Variants in ANTXR1 observed in about 807,000 individuals in gnomAD.
ANTXR1 encodes anthrax toxin receptor 1.
A neutral mutation model predicts 78.1 loss-of-function variants in ANTXR1; 19 were observed. The observed-to-expected ratio is 0.24, with a 90% CI of 0.17 to 0.36. ANTXR1 has a LOEUF of 0.36. Ranked by LOEUF, ANTXR1 falls within the 10% of genes least tolerant of loss-of-function variation. The pLI, the probability that ANTXR1 is intolerant of heterozygous loss-of-function variation, is 1.00. For missense variants in ANTXR1, 518 were observed against 718.6 expected, an observed-to-expected ratio of 0.72 and a Z score of 3.19; for synonymous variants, 273 against 260.5, an observed-to-expected ratio of 1.05 and a Z score of -0.46.
chr2:69,222,656 T>C (rs968837330), intron 17 of ANTXR1, among the ~76,000 whole-genome samples: 1 of 151,502 alleles, frequency 6.6e-6, no homozygotes, highest in Non-Finnish European at 1.5e-5. Context: ...GAAGAAGGGG[T>C]GGAGAGCGAA....
At chr2:69,038,874 A>T (rs978821143) in intron 1 of ANTXR1, among the ~76,000 whole-genome samples, 3 of 152,182 alleles carry the variant, frequency 2.0e-5, no homozygotes, top group Admixed American at 6.5e-5. Context: ...CTGGAAATGG[A>T]ATACACCCGA....
At chr2:69,211,292 A>G (rs1021710571) in intron 17 of ANTXR1, among the ~76,000 whole-genome samples, 1 of 152,236 alleles carries the variant, frequency 6.6e-6, no homozygotes, top group Non-Finnish European at 1.5e-5. Context: ...ACATGCTGTC[A>G]GTGCTAAGGA....
At chr2:69,042,942 T>C (rs1382242709) in intron 2 of ANTXR1, among the ~76,000 whole-genome samples, 1 of 152,152 alleles carries the variant, frequency 6.6e-6, no homozygotes, top group Non-Finnish European at 1.5e-5. Context: ...CATACTAGTG[T>C]TGGTTTTGTA....
At chr2:69,182,024 A>G in intron 15 of ANTXR1, 143 bp downstream of exon 15, 1 of 797,444 alleles carries the variant, frequency 1.3e-6, no homozygotes, top group Admixed American at 2.1e-5. Context: ...ACTCAATGTC[A>G]GAAACCCAAA....
chr2:69,058,730 C>T (rs1267015555), intron 3 of ANTXR1, among the ~76,000 whole-genome samples: 1 of 152,166 alleles, frequency 6.6e-6, no homozygotes, highest in Non-Finnish European at 1.5e-5. Context: ...ATGTCTATAG[C>T]TGCCATACAT....
chr2:69,026,980 A>G (rs780710817), intron 1 of ANTXR1, among the ~76,000 whole-genome samples: 2 of 152,256 alleles, frequency 1.3e-5, no homozygotes, highest in African/African-American at 2.4e-5. Context: ...ACTGAGTATG[A>G]AAGAGGTCAA....
chr2:69,214,142 C>A (rs1235122290), intron 17 of ANTXR1, among the ~76,000 whole-genome samples: 6 of 152,228 alleles, frequency 3.9e-5, no homozygotes, highest in Non-Finnish European at 7.3e-5. Flanking sequence ...CAGCCTGGTC[C>A]AGGAGAGCAT....
intron 1 of ANTXR1, 90 bp from the exon 2 acceptor site, chr2:69,039,954 A>T: frequency 1.8e-6 from 2 of 1,103,300 alleles, no homozygotes; most frequent in Non-Finnish European, 2.7e-6. Flanking sequence ...GGAGAGGTCA[A>T]ATGTAAAATA....
intron 10 of ANTXR1, among the ~76,000 whole-genome samples, chr2:69,120,696 C>T (rs1244212857): frequency 6.6e-6 from 1 of 151,892 alleles, no homozygotes; most frequent in African/African-American, 2.4e-5. Context: ...AATAATAATG[C>T]TCAATTTAGG....
At chr2:69,222,825 A>G (rs746597669) in intron 17 of ANTXR1, among the ~76,000 whole-genome samples, 2 of 152,262 alleles carry the variant, frequency 1.3e-5, no homozygotes, top group African/African-American at 2.4e-5. Context: ...TTTGTGGTGT[A>G]TAAACCACTT....
At chr2:69,217,277 G>A (rs1283250117) in intron 17 of ANTXR1, among the ~76,000 whole-genome samples, 1 of 152,230 alleles carries the variant, frequency 6.6e-6, no homozygotes, top group East Asian at 1.9e-4. Flanking sequence ...CCCTGCTGCT[G>A]GCCAGTGTCC....
chr2:69,152,628 C>T (rs540634988), intron 13 of ANTXR1, among the ~76,000 whole-genome samples: 77 of 152,324 alleles, frequency 5.1e-4, no homozygotes, highest in African/African-American at 1.7e-3. Context: ...CACACATACA[C>T]ATTTGTTGAG....
chr2:69,042,579 G>A (rs1164569246), intron 2 of ANTXR1, among the ~76,000 whole-genome samples: 1 of 151,976 alleles, frequency 6.6e-6, no homozygotes, highest in Non-Finnish European at 1.5e-5. Flanking sequence ...CCTGCCCCTT[G>A]TCCCAAAAAA....
intron 11 of ANTXR1, 79 bp downstream of exon 11, chr2:69,123,165 AT>A: frequency 6.8e-7 from 1 of 1,474,700 alleles, no homozygotes; most frequent in East Asian, 2.3e-5. Flanking sequence ...AAAAGAAAGC[AT>A]CTAGAGAAAG....
intron 3 of ANTXR1, 121 bp from the exon 4 acceptor site, chr2:69,070,526 G>C (rs957120160): frequency 5.6e-6 from 5 of 885,378 alleles, no homozygotes; most frequent in Admixed American, 5.5e-5. Context: ...ATAGGCTTTT[G>C]GGGAATTACT....
intron 8 of ANTXR1, among the ~76,000 whole-genome samples, chr2:69,080,605 A>G (rs1412433658): frequency 6.6e-6 from 1 of 152,232 alleles, no homozygotes; most frequent in Non-Finnish European, 1.5e-5. Flanking sequence ...TAAAGCAGGT[A>G]GAGGCTCTGT....
At chr2:69,172,868 T>G (rs1050566573) in intron 14 of ANTXR1, among the ~76,000 whole-genome samples, 1 of 152,182 alleles carries the variant, frequency 6.6e-6, no homozygotes, top group African/African-American at 2.4e-5. Flanking sequence ...TTTTAACAAC[T>G]AAGAGGGACA....
At chr2:69,105,809 C>T (rs1006569833) in intron 10 of ANTXR1, among the ~76,000 whole-genome samples, 1 of 152,126 alleles carries the variant, frequency 6.6e-6, no homozygotes. Context: ...ACATAAGTGC[C>T]ATTATTAATG....
chr2:69,043,648 T>C (rs1182986218), intron 2 of ANTXR1, among the ~76,000 whole-genome samples: 2 of 152,194 alleles, frequency 1.3e-5, no homozygotes, highest in Non-Finnish European at 2.9e-5. Flanking sequence ...CATGTGGTAA[T>C]AAATGCAGAC....
Sources: gnomAD v4.1 joint callset for allele counts (sites outside exome capture counted in the v4.1 genomes callset) on GRCh38, gnomAD v4.1.1 for gene constraint, MANE v1.5 for transcripts, NCBI Gene and HGNC (gene_info 2026-07-23, HGNC 2026-07-21) for gene names.